The following CNTN5 variants were observed in gnomAD, a reference collection of about 807,000 sequenced individuals.
CNTN5 encodes contactin 5.
CNTN5 carries 77 observed loss-of-function variants against 129.1 expected under a neutral mutation model. That is an observed-to-expected ratio of 0.60 (90% CI 0.50 to 0.72). The LOEUF is 0.72. Among genes scored for constraint, CNTN5 ranks in the 30% least tolerant of loss-of-function variants. The probability of loss-of-function intolerance (pLI) is 0.00; values close to 1 mark genes in which losing one functional copy is unlikely to be tolerated. For missense variants in CNTN5, 1,478 were observed against 1,328.8 expected (o/e 1.11, Z -1.75); for synonymous variants, 509 against 465.6 (o/e 1.09, Z -1.20).
chr11:99,810,396 CT>C (rs942513615), intron 3 of CNTN5, among the ~76,000 whole-genome samples: 1 of 152,074 alleles, frequency 6.6e-6, no homozygotes, highest in Non-Finnish European at 1.5e-5. Flanking sequence ...GTGCCGTTAA[CT>C]TTTTTTCTTG....
intron 6 of CNTN5, among the ~76,000 whole-genome samples, chr11:99,911,334 A>G (rs781158909): frequency 6.6e-6 from 1 of 151,990 alleles, no homozygotes; most frequent in Non-Finnish European, 1.5e-5. Flanking sequence ...CGAATACCTC[A>G]GTATTGGCAC....
chr11:99,049,077 A>T (rs1371087223), intron 1 of CNTN5, among the ~76,000 whole-genome samples: 3 of 152,132 alleles, frequency 2.0e-5, no homozygotes. Flanking sequence ...GCCTGTTCTA[A>T]GTAGTAAAAC....
chr11:100,130,918 T>A (rs2138207262), intron 13 of CNTN5, among the ~76,000 whole-genome samples: 1 of 152,116 alleles, frequency 6.6e-6, no homozygotes, highest in South Asian at 2.1e-4. Flanking sequence ...CCCATAAAAA[T>A]TTTCAAGGAA....
intron 8 of CNTN5, among the ~76,000 whole-genome samples, chr11:99,983,024 T>C (rs1378451986): frequency 6.6e-6 from 1 of 152,102 alleles, no homozygotes; most frequent in Non-Finnish European, 1.5e-5. Flanking sequence ...AGTTAATAAA[T>C]CCATGATCAG....
chr11:99,816,097 G>A (rs530360483), intron 3 of CNTN5, among the ~76,000 whole-genome samples: 2 of 152,244 alleles, frequency 1.3e-5, no homozygotes, highest in South Asian at 2.1e-4. Context: ...TATAGCTAGA[G>A]AACACTGATC....
chr11:100,203,381 A>G lies in CNTN5; in HGVS notation c.1884+9718A>G, dbSNP rs145617593. On this transcript the variant is annotated intron_variant, in intron 15 of 24. Transcript: ENST00000524871. ...TATGTTACATTGCTTTAACAACTGA[A>G]GTGGATGCAAAGAATGTAGAGTACA... 1.1e-4 allele frequency among the ~76,000 whole-genome samples: 17 copies of G among 152,162 alleles called. No homozygotes were observed. In the East Asian group the frequency reaches 2.1e-3, roughly 19 times the overall value.
At chr11:99,260,316 A>G (rs1862567976) in intron 1 of CNTN5, among the ~76,000 whole-genome samples, 3 of 151,842 alleles carry the variant, frequency 2.0e-5, no homozygotes, top group East Asian at 1.9e-4. Context: ...TTGATGCTCA[A>G]TCAAATGTGG....
intron 2 of CNTN5, among the ~76,000 whole-genome samples, chr11:99,402,908 T>A (rs1315207707): frequency 6.6e-6 from 1 of 152,222 alleles, no homozygotes; most frequent in Non-Finnish European, 1.5e-5. Context: ...TGGTATCAAC[T>A]GTCATGTCTC....
chr11:100,285,444 A>G (rs944912381), intron 18 of CNTN5, among the ~76,000 whole-genome samples: 4 of 152,182 alleles, frequency 2.6e-5, no homozygotes, highest in Admixed American at 6.5e-5. Context: ...CAGAGCATGC[A>G]TGCCTTCTAA....
intron 24 of CNTN5, among the ~76,000 whole-genome samples, chr11:100,353,740 G>A (rs1952465773): frequency 6.6e-6 from 1 of 151,564 alleles, no homozygotes; most frequent in African/African-American, 2.4e-5. Flanking sequence ...TGATTGATAA[G>A]TTCTAGTAGT....
At chr11:100,275,778 CT>C (rs972953598) in intron 18 of CNTN5, among the ~76,000 whole-genome samples, 1 of 152,176 alleles carries the variant, frequency 6.6e-6, no homozygotes, top group Non-Finnish European at 1.5e-5. Context: ...AAGTACTCTC[CT>C]TTGAAAGTGA....
At chr11:99,601,842 G>A (rs72997245) in intron 3 of CNTN5, among the ~76,000 whole-genome samples, 2,284 of 152,170 alleles carry the variant, frequency 0.015, 20 homozygotes, top group Non-Finnish European at 0.021. Flanking sequence ...ACATTTAGAG[G>A]TATATGTCAC....
At chr11:99,939,897 A>T (rs1950396975) in intron 7 of CNTN5, among the ~76,000 whole-genome samples, 1 of 152,090 alleles carries the variant, frequency 6.6e-6, no homozygotes, top group African/African-American at 2.4e-5. Context: ...TAAAATGAAA[A>T]CTCAAAGCAG....
At chr11:99,255,814 A>G (rs1862350745) in intron 1 of CNTN5, among the ~76,000 whole-genome samples, 1 of 151,326 alleles carries the variant, frequency 6.6e-6, no homozygotes, top group South Asian at 2.1e-4. Context: ...ACACACACAC[A>G]CGCACACGCA....
intron 9 of CNTN5, among the ~76,000 whole-genome samples, chr11:100,034,808 A>G (rs563031817): frequency 2.8e-4 from 43 of 152,324 alleles, no homozygotes; most frequent in African/African-American, 9.4e-4. Context: ...TATGAACATC[A>G]TTCACCTGCT....
At chr11:100,164,732 T>G (rs566916281) in intron 13 of CNTN5, among the ~76,000 whole-genome samples, 1 of 151,840 alleles carries the variant, frequency 6.6e-6, no homozygotes, top group Non-Finnish European at 1.5e-5. Flanking sequence ...ACTAATATGA[T>G]TTTTGTAGAC....
At chr11:99,243,320 G>T (rs533919687) in intron 1 of CNTN5, among the ~76,000 whole-genome samples, 1 of 152,030 alleles carries the variant, frequency 6.6e-6, no homozygotes, top group East Asian at 1.9e-4. Context: ...TTTGGGTTTT[G>T]TCAGTTTAAT....
intron 1 of CNTN5, among the ~76,000 whole-genome samples, chr11:99,122,284 A>C (rs1388031512): frequency 6.6e-6 from 1 of 152,180 alleles, no homozygotes; most frequent in Non-Finnish European, 1.5e-5. Context: ...CAAAAGGAAG[A>C]TATGTCTAAT....
At chr11:99,994,242 A>C (rs1384331018) in intron 8 of CNTN5, among the ~76,000 whole-genome samples, 1 of 152,168 alleles carries the variant, frequency 6.6e-6, no homozygotes, top group Non-Finnish European at 1.5e-5. Flanking sequence ...GATCTGACTC[A>C]TATCAGTCAA....
Sources: allele counts gnomAD v4.1 joint callset (sites outside exome capture counted in the v4.1 genomes callset), GRCh38; gene constraint gnomAD v4.1.1; transcripts MANE v1.5; gene names NCBI Gene and HGNC (gene_info 2026-07-23, HGNC 2026-07-21).